The following PLPP2 variants were observed in gnomAD, a reference collection of about 807,000 sequenced individuals.
PLPP2 encodes the protein PAP2-gamma.
PLPP2 carries 29 observed loss-of-function variants against 35.2 expected under a neutral mutation model. The observed-to-expected ratio is 0.82, with a 90% CI of 0.61 to 1.12. The LOEUF (loss-of-function observed/expected upper bound fraction) is 1.12. Among genes scored for constraint, PLPP2 ranks in the 50% most tolerant of loss-of-function variants. The probability of loss-of-function intolerance (pLI) is 0.00; values close to 1 mark genes in which losing one functional copy is unlikely to be tolerated. For synonymous variants in PLPP2, 162 were observed against 167.0 expected, an observed-to-expected ratio of 0.97 and a Z score of 0.23; for missense variants, 353 against 375.2, an observed-to-expected ratio of 0.94 and a Z score of 0.49.
chr19:281,363 C>A lies in PLPP2; in HGVS notation c.*25G>T. The A allele has an allele frequency of 7.2e-7, 1 of 1,392,116 alleles. No homozygotes were observed. Among genetic ancestry groups the A allele is most frequent in the East Asian group, 2.7e-5 (1 of 36,858 alleles). The allele number at this position is 1,392,116 out of a possible 1,614,324, so 86.2% of individuals were successfully genotyped here. On this transcript the variant is annotated 3_prime_UTR_variant, in exon 6 of 6. Coordinates refer to ENST00000434325, the MANE Select transcript of PLPP2 (RefSeq NM_003712.4). ...TGGGCCTCAGCTGGACTCACAGCAG[C>A]TCCCTGCCTGGGCGGGGTCCGGCCT...
intron 3 of PLPP2, chr19:283,983 G>A (rs1970227181): frequency 1.3e-5 from 2 of 152,152 alleles, no homozygotes; most frequent in South Asian, 4.1e-4. Flanking sequence ...CAAACAGCAA[G>A]AACAAACCCG....
rs765419874 is a variant in PLPP2 at position 288,225 on chromosome 19, TG to T, written c.53-55del. ...TGAGGTTCTCTCACCAGCTGGGCCT[TG>T]GGGCCCCACACACCTGCCTTGGCCT... On this transcript the variant is annotated intron_variant, in intron 1 of 5. Coordinates refer to ENST00000434325, the MANE Select transcript of PLPP2 (RefSeq NM_003712.4). 9.2e-6 allele frequency: 14 copies of T among 1,527,520 alleles called. No individual in the cohort carries two copies. The East Asian group carries it at 3.0e-4, about 32-fold the overall frequency. 94.6% of individuals were successfully genotyped at this position (1,527,520 alleles called of 1,614,324 possible).
chr19:281,990 G>A, intron 5 of PLPP2, 144 bp downstream of exon 5: 1 of 899,610 alleles, frequency 1.1e-6, no homozygotes, highest in Non-Finnish European at 1.7e-6. Context: ...GACTGGGGTT[G>A]GGGGAAGGGG....
rs1319308199 is a variant in PLPP2 at position 287,876 on chromosome 19, G to A, written c.205-125C>T. On this transcript the variant is annotated intron_variant, in intron 2 of 5. Coordinates refer to ENST00000434325, the MANE Select transcript of PLPP2 (RefSeq NM_003712.4). This position sits in a 1 kb window ranked among gnomAD's most constrained non-coding sequence, Gnocchi z 4.3. The stretch of plus-strand genomic sequence containing the variant: ...TCTGAAGGGGGCCCTATTACCCACA[G>A]GTACCACTCAGGGCAAGGCTGTGTC... 6.6e-7 allele frequency: 1 copy of A among 1,509,384 alleles called. No individual in the cohort carries two copies. The highest frequency in any genetic ancestry group is 1.4e-5 in the African/African-American group (1 of 72,330). 93.5% of individuals were successfully genotyped at this position (1,509,384 alleles called of 1,614,324 possible).
intron 1 of PLPP2, among the ~76,000 whole-genome samples, chr19:289,882 G>C (rs1034836674): frequency 3.3e-5 from 5 of 150,900 alleles, no homozygotes; most frequent in African/African-American, 1.2e-4. Flanking sequence ...GTTACGAGAT[G>C]CCCAGAAGGG....
Position 287,335 on chromosome 19 carries a change from C to G in PLPP2, c.482+139G>C. The G allele has an allele frequency of 9.2e-7, 1 of 1,085,196 alleles. No homozygotes were observed. The highest frequency in any genetic ancestry group is 1.3e-6 in the Non-Finnish European group (1 of 758,698). 67.2% of individuals were successfully genotyped at this position (1,085,196 alleles called of 1,614,324 possible). ...AACTTCAAAAACATACAAGAATGCA[C>G]TAACTTATACAAAAATTAGCCGGGC... On this transcript the variant is annotated intron_variant, in intron 3 of 5. Transcript: ENST00000434325. The surrounding 1 kb of genome is among the most constrained non-coding windows in gnomAD (Gnocchi z 4.3).
chr19:290,667 C>T (rs941866881), intron 1 of PLPP2, among the ~76,000 whole-genome samples: 1 of 152,244 alleles, frequency 6.6e-6, no homozygotes. Context: ...CCCGCAAACC[C>T]GCCGGACAGG....
At position 287,637 on chromosome 19, in the gene PLPP2, C is replaced by G; in HGVS notation, c.319G>C (p.Ala107Pro). 6.2e-7 allele frequency: 1 copy of G among 1,613,930 alleles called. No homozygotes were observed. The highest frequency in any genetic ancestry group is 2.2e-5 in the East Asian group (1 of 44,886). Reference sequence around the variant, plus strand: ...AGGTCTGTCAGAGACTGGCTCACGGCAGCCCCAAACAGGAAGGTCCCCAGC... The same window carrying G: ...AGGTCTGTCAGAGACTGGCTCACGGGAGCCCCAAACAGGAAGGTCCCCAGC... ...KVLGTFLFGA[A>P]VSQSLTDLAK... The change falls in exon 3 of 6, where the codon GCC (alanine) becomes CCC (proline). Residue 107 changes from alanine to proline, a missense_variant. Ala to Pro is a conservative substitution (Grantham distance 27). Transcript: ENST00000434325. This position sits in a 1 kb window ranked among gnomAD's most constrained non-coding sequence, Gnocchi z 4.3.
Position 281,279 on chromosome 19 carries a change from G to A in PLPP2, c.*109C>T. On this transcript the variant is annotated 3_prime_UTR_variant, in exon 6 of 6. Coordinates refer to ENST00000434325, the MANE Select transcript of PLPP2 (RefSeq NM_003712.4). ...CGCTCACTGCTCCCATCAGCCCAGG[G>A]TTCCTGGAGCCCGTCCAGAGCCCTC... 1 of 1,116,192 alleles carries A rather than the reference G, an allele frequency of 9.0e-7. No individual in the cohort carries two copies. Among genetic ancestry groups the A allele is most frequent in the Non-Finnish European group, 1.2e-6 (1 of 865,658 alleles). The allele number at this position is 1,116,192 out of a possible 1,614,324, so 69.1% of individuals were successfully genotyped here.
chr19:282,083 G>C (rs946269516), intron 5 of PLPP2, 51 bp downstream of exon 5: 1 of 1,595,820 alleles, frequency 6.3e-7, no homozygotes, highest in East Asian at 2.2e-5. Context: ...GGGTTGGCTG[G>C]GGAGTGGTCT....
At chr19:286,927 T>G (rs1192913107) in intron 3 of PLPP2, 1 of 153,946 alleles carries the variant, frequency 6.5e-6, no homozygotes, top group Non-Finnish European at 1.4e-5. Flanking sequence ...ATCATTGCAC[T>G]CCAGCCTGGG....
In PLPP2 at chr19:282,206, C is replaced by A. The variant is rs1469659840; in HGVS notation, c.645G>T (p.Val215=). 1.9e-6 allele frequency: 3 copies of A among 1,613,752 alleles called. No homozygotes were observed. The highest frequency in any genetic ancestry group is 1.6e-4 in the Middle Eastern group (1 of 6,082). The stretch of plus-strand genomic sequence containing the variant: ...CGCTCCAGTGGTGTTTGTAATCAGA[C>A]ACGCGGGTGTAGCCCACGTAGAGGG... The part of the protein sequence containing the change: ...AFALYVGYTR[V]SDYKHHWSDV... Residue 215 remains valine, a synonymous_variant, in exon 5 of 6, where the codon GTG becomes GTT. Coordinates refer to ENST00000434325, the MANE Select transcript of PLPP2 (RefSeq NM_003712.4).
At chr19:289,290 C>A (rs558041354) in intron 1 of PLPP2, among the ~76,000 whole-genome samples, 3 of 152,302 alleles carry the variant, frequency 2.0e-5, no homozygotes, top group East Asian at 1.9e-4. Flanking sequence ...AGCGGAGGGG[C>A]AGGGAGCCCC....
intron 3 of PLPP2, chr19:284,259 CAGG>C (rs1970231457): frequency 6.6e-6 from 1 of 151,462 alleles, no homozygotes; most frequent in South Asian, 2.1e-4. Context: ...GAGGCTGAGG[CAGG>C]AGATTTGCTT....
chr19:291,182 C>T, intron 1 of PLPP2, 103 bp downstream of exon 1: 1 of 1,445,306 alleles, frequency 6.9e-7, no homozygotes, highest in Non-Finnish European at 9.4e-7. Context: ...CTCGGAGGGA[C>T]GAGGGCGCGC....
chr19:282,791 T>A lies in PLPP2; in HGVS notation c.501A>T (p.Gly167=). 1 of 1,613,258 alleles carries A rather than the reference T, an allele frequency of 6.2e-7. No individual in the cohort carries two copies. Among genetic ancestry groups the A allele is most frequent in the Non-Finnish European group, 8.5e-7 (1 of 1,179,792 alleles). ...VTEARLSFYS[G]HSSFGMYCMV... ...TGCAGTACATCCCAAAGGAAGAGTG[T>A]CCCGAGTAGAAAGACAACCTGAGGA... Residue 167 remains glycine, a synonymous_variant, in exon 4 of 6, where the codon GGA becomes GGT. Transcript: ENST00000434325.
At chr19:288,364 G>A (rs971314275) in intron 1 of PLPP2, 193 bp from the exon 2 acceptor site, 4 of 484,694 alleles carry the variant, frequency 8.3e-6, no homozygotes, top group African/African-American at 8.0e-5. Flanking sequence ...CAGGCGCTCT[G>A]CCCCTCACAT....
chr19:283,057 G>A (rs1041002314), intron 3 of PLPP2: 4 of 472,512 alleles, frequency 8.5e-6, no homozygotes, highest in Admixed American at 3.8e-5. Context: ...CAAAACCCAG[G>A]GCAGACAATC....
chr19:291,063 C>T (rs532220773), intron 1 of PLPP2: 1 of 1,301,682 alleles, frequency 7.7e-7, no homozygotes, highest in Non-Finnish European at 9.7e-7. Flanking sequence ...CTCGCGACCC[C>T]CATCCCCCTG....
Sources: allele counts gnomAD v4.1 joint callset (sites outside exome capture counted in the v4.1 genomes callset), GRCh38; gene constraint gnomAD v4.1.1; non-coding constraint Gnocchi (gnomAD v3.1); transcripts MANE v1.5; gene names NCBI Gene and HGNC (gene_info 2026-07-23, HGNC 2026-07-21).